Variants in PPARGC1B observed in about 807,000 individuals in gnomAD.
The protein encoded by PPARGC1B is PPARG coactivator 1 beta.
Under a neutral mutation model 101.6 loss-of-function variants are expected in PPARGC1B, and 34 were observed. That is an observed-to-expected ratio of 0.33 (90% CI 0.25 to 0.45). The LOEUF (loss-of-function observed/expected upper bound fraction) is 0.45. PPARGC1B is among the 20% of genes least tolerant of loss of function. PPARGC1B has a pLI of 1.00. For synonymous variants in PPARGC1B, 548 were observed against 539.3 expected (o/e 1.02, Z -0.22); for missense variants, 1,234 against 1,317.6 (o/e 0.94, Z 0.98).
At position 149,832,605 on chromosome 5, in the gene PPARGC1B, G is replaced by A; in HGVS notation, c.583-51G>A. Reference sequence around the variant, plus strand: ...CAGTGACCATGCGGATGAGACACATGGGAGGAGTGTTTGGGCCTCCTTCCT... The same window carrying A: ...CAGTGACCATGCGGATGAGACACATAGGAGGAGTGTTTGGGCCTCCTTCCT... On this transcript the variant is annotated intron_variant, in intron 4 of 11. Transcript: ENST00000309241. This position sits in a 1 kb window ranked among gnomAD's most constrained non-coding sequence, Gnocchi z 4.9. 7.0e-7 allele frequency: 1 copy of A among 1,419,604 alleles called. No individual in the cohort carries two copies. The highest frequency in any genetic ancestry group is 1.4e-5 in the South Asian group (1 of 69,040). The allele number at this position is 1,419,604 out of a possible 1,614,324, so 87.9% of individuals were successfully genotyped here.
chr5:149,771,681 A>C (rs1756136485), intron 1 of PPARGC1B, among the ~76,000 whole-genome samples: 1 of 152,240 alleles, frequency 6.6e-6, no homozygotes, highest in Non-Finnish European at 1.5e-5. Flanking sequence ...GCCAGTTTTC[A>C]TGAAAGACAG....
At chr5:149,795,004 C>T (rs1261037263) in intron 1 of PPARGC1B, among the ~76,000 whole-genome samples, 2 of 152,214 alleles carry the variant, frequency 1.3e-5, no homozygotes, top group East Asian at 1.9e-4. Flanking sequence ...GACATCTTGA[C>T]GTCAACGGGT....
At chr5:149,817,806 GTT>G in intron 1 of PPARGC1B, 1 of 456,722 alleles carries the variant, frequency 2.2e-6, no homozygotes, top group South Asian at 1.5e-5. Context: ...GTGGAAAACA[GTT>G]TTCTGTTTTA....
At chr5:149,839,966 C>A in intron 8 of PPARGC1B, 75 bp from the exon 9 acceptor site, 1 of 1,444,944 alleles carries the variant, frequency 6.9e-7, no homozygotes, top group South Asian at 1.1e-5. Flanking sequence ...TCCCTTGCGT[C>A]CTGGAGCAGA....
At chr5:149,780,563 C>T (rs891327779) in intron 1 of PPARGC1B, among the ~76,000 whole-genome samples, 2 of 152,154 alleles carry the variant, frequency 1.3e-5, no homozygotes, top group Non-Finnish European at 2.9e-5. Context: ...TCTAGTTTTG[C>T]AGGTCCTTGG....
chr5:149,774,083 T>A (rs1188175701), intron 1 of PPARGC1B, among the ~76,000 whole-genome samples: 1 of 152,196 alleles, frequency 6.6e-6, no homozygotes, highest in Non-Finnish European at 1.5e-5. Flanking sequence ...AAGAAGGTAC[T>A]TGTCCTGGGT....
chr5:149,749,085 T>C (rs1755194200), intron 1 of PPARGC1B, among the ~76,000 whole-genome samples: 1 of 152,158 alleles, frequency 6.6e-6, no homozygotes, highest in Non-Finnish European at 1.5e-5. Flanking sequence ...GCTTCTCATA[T>C]GTAGTCCTGA....
In PPARGC1B at chr5:149,730,478, A is replaced by G; in HGVS notation, c.78+58A>G. On this transcript the variant is annotated intron_variant, in intron 1 of 11. Coordinates refer to ENST00000309241, the MANE Select transcript of PPARGC1B (RefSeq NM_133263.4). The surrounding 1 kb of genome is among the most constrained non-coding windows in gnomAD (Gnocchi z 4.0). ...AGGGGTGCTGAGCTGCGGGGGCCGC[A>G]GCTGCAGCCGCGGAGGCCGGGAGGC... 6 of 1,379,498 alleles carry G rather than the reference A, an allele frequency of 4.3e-6. No homozygotes were observed. Among genetic ancestry groups the G allele is most frequent in the Middle Eastern group, 2.4e-4 (1 of 4,086 alleles). The allele number at this position is 1,379,498 out of a possible 1,614,324, so 85.5% of individuals were successfully genotyped here.
chr5:149,836,718 C>T lies in PPARGC1B; in HGVS notation c.2263C>T (p.Leu755=), dbSNP rs1319495670. 1.2e-6 allele frequency: 2 copies of T among 1,613,542 alleles called. No homozygotes were observed. The highest frequency in any genetic ancestry group is 3.3e-5 in the Admixed American group (2 of 60,008). Residue 755 remains leucine (L), a synonymous_variant, in exon 8 of 12, where the codon CTG becomes TTG. Transcript: ENST00000309241. ...CGCCCCACCCAAGGACAGCACGCTG[C>T]TGAGAGACCATGAGATCCGTGCCAG... is the stretch of plus-strand genomic sequence containing the variant. ...AGAPPKDSTL[L]RDHEIRASLT...
intron 1 of PPARGC1B, among the ~76,000 whole-genome samples, chr5:149,785,915 C>CTTTTTTTTT (rs10622982): frequency 7.1e-6 from 1 of 140,398 alleles, no homozygotes; most frequent in African/African-American, 2.6e-5. Flanking sequence ...GACACTCATT[C>CTTTTTTTTT]TTTTTTTTTT....
intron 9 of PPARGC1B, among the ~76,000 whole-genome samples, 191 bp downstream of exon 9, chr5:149,840,307 A>G (rs1028883594): frequency 2.0e-5 from 3 of 152,228 alleles, no homozygotes; most frequent in Non-Finnish European, 4.4e-5. Flanking sequence ...GAGGGTCACT[A>G]AAGGGCATCA....
At chr5:149,810,804 T>C (rs187969799) in intron 1 of PPARGC1B, among the ~76,000 whole-genome samples, 1 of 146,418 alleles carries the variant, frequency 6.8e-6, no homozygotes, top group East Asian at 2.0e-4. Flanking sequence ...TGACTCCCTC[T>C]TCCCGCTTTC....
At chr5:149,841,009 C>T (rs770928334) in intron 9 of PPARGC1B, among the ~76,000 whole-genome samples, 3 of 152,054 alleles carry the variant, frequency 2.0e-5, no homozygotes, top group Non-Finnish European at 4.4e-5. Context: ...CAGTTCTGGG[C>T]GTTGGAGGAC....
intron 1 of PPARGC1B, among the ~76,000 whole-genome samples, chr5:149,757,778 G>C (rs890851156): frequency 2.0e-5 from 3 of 152,220 alleles, no homozygotes; most frequent in African/African-American, 7.2e-5. Context: ...CCCTGGCAGG[G>C]TCATGGTGCA....
intron 1 of PPARGC1B, among the ~76,000 whole-genome samples, chr5:149,741,181 C>CT (rs1754891081): frequency 1.3e-5 from 2 of 152,228 alleles, no homozygotes; most frequent in South Asian, 4.1e-4. Context: ...CTGTGATTGC[C>CT]TGGCAGAACA....
chr5:149,753,237 C>T (rs1170298619), intron 1 of PPARGC1B, among the ~76,000 whole-genome samples: 4 of 152,172 alleles, frequency 2.6e-5, no homozygotes, highest in Admixed American at 6.5e-5. Context: ...GACAGAGTCT[C>T]GCTCTGTTGC....
chr5:149,759,396 T>C (rs1755642037), intron 1 of PPARGC1B, among the ~76,000 whole-genome samples: 1 of 152,104 alleles, frequency 6.6e-6, no homozygotes, highest in Admixed American at 6.6e-5. Flanking sequence ...TAACTGCACT[T>C]CTCTTGGAGT....
Position 149,771,787 on chromosome 5 carries a change from C to T in PPARGC1B, c.78+41367C>T, listed in dbSNP as rs151120015. 6.7e-3 allele frequency among the ~76,000 whole-genome samples: 1,020 copies of T among 152,310 alleles called. 9 individuals are homozygous for T. The highest frequency in any genetic ancestry group is 0.023 in the African/African-American group (959 of 41,570). On this transcript the variant is annotated intron_variant, in intron 1 of 11. Coordinates refer to ENST00000309241, the MANE Select transcript of PPARGC1B (RefSeq NM_133263.4). ...ACATTCAGTGGTGTGCTGGGAAATG[C>T]ATAACAACTGGTTCTGGAGGTGGGG...
chr5:149,744,568 A>G (rs6892794), intron 1 of PPARGC1B, among the ~76,000 whole-genome samples: 47,992 of 152,112 alleles, frequency 0.32, 8,240 homozygotes, highest in African/African-American at 0.45. Flanking sequence ...TGTGAAGTAC[A>G]TTTTGGTATT....
Sources: allele counts gnomAD v4.1 joint callset (sites outside exome capture counted in the v4.1 genomes callset), GRCh38; gene constraint gnomAD v4.1.1; non-coding constraint Gnocchi (gnomAD v3.1); transcripts MANE v1.5; gene names NCBI Gene and HGNC (gene_info 2026-07-23, HGNC 2026-07-21).